Variants in TMBIM4 observed in about 807,000 individuals in gnomAD.
TMBIM4 encodes protein lifeguard 4.
Under a neutral mutation model 27.7 loss-of-function variants are expected in TMBIM4, and 28 were observed. The ratio of observed to expected loss-of-function variants is 1.01; its 90% CI spans 0.75 to 1.38. TMBIM4 has a LOEUF of 1.38. TMBIM4 is among the 40% of genes most tolerant of loss of function. The pLI, the probability that TMBIM4 is intolerant of heterozygous loss-of-function variation, is 0.00. For missense variants in TMBIM4, 265 were observed against 277.5 expected, an observed-to-expected ratio of 0.95 and a Z score of 0.32; for synonymous variants, 115 against 113.1, an observed-to-expected ratio of 1.02 and a Z score of -0.11.
At chr12:66,141,796 T>G (rs1334218503) in intron 5 of TMBIM4, among the ~76,000 whole-genome samples, 1 of 152,134 alleles carries the variant, frequency 6.6e-6, no homozygotes, top group Non-Finnish European at 1.5e-5. Context: ...CAATCCTAAA[T>G]GTTTCTGCAT....
chr12:66,152,416 A>C (rs762610513), intron 2 of TMBIM4, 40 bp from the exon 3 acceptor site: 13 of 1,359,766 alleles, frequency 9.6e-6, no homozygotes, highest in Non-Finnish European at 1.2e-5. Flanking sequence ...TTAAAGAAAA[A>C]ATAGCATGAG....
chr12:66,169,960 C>G lies in TMBIM4; in HGVS notation c.-9G>C. On this transcript the variant is annotated 5_prime_UTR_variant, in exon 1 of 7. Transcript: ENST00000358230. ...GGGTCGGGGTCAGCCATGATGGCAACAGCACCCCTACCGGTCCCGGTCCAC... is the reference window on the plus strand; with the variant it reads ...GGGTCGGGGTCAGCCATGATGGCAAGAGCACCCCTACCGGTCCCGGTCCAC... The G allele has an allele frequency of 6.7e-7, 1 of 1,485,538 alleles. No homozygotes were observed. Among genetic ancestry groups the G allele is most frequent in the Non-Finnish European group, 8.9e-7 (1 of 1,118,666 alleles). 92.0% of individuals were successfully genotyped at this position (1,485,538 alleles called of 1,614,324 possible).
Position 66,137,030 on chromosome 12 carries a change from T to C in TMBIM4, c.*930A>G, listed in dbSNP as rs2051588305. On this transcript the variant is annotated 3_prime_UTR_variant, in exon 7 of 7. Transcript: ENST00000358230. ...CTCTAACCACATTACCATTCTATAA[T>C]TTCAAATGAAATCTATACTTTAAAA... 1 of 152,222 alleles carries C rather than the reference T, an allele frequency of 6.6e-6. No homozygotes were observed. The highest frequency in any genetic ancestry group is 2.1e-4 in the South Asian group (1 of 4,832). 9.4% of individuals were successfully genotyped at this position (152,222 alleles called of 1,614,324 possible). A position where few individuals can be genotyped will look rare whatever the true frequency, so the allele number is the denominator to read the frequency against.
At chr12:66,147,696 T>C (rs1004260396) in intron 4 of TMBIM4, among the ~76,000 whole-genome samples, 14 of 152,220 alleles carry the variant, frequency 9.2e-5, no homozygotes, top group African/African-American at 3.1e-4. Context: ...CCATTCCTTT[T>C]ATTTTTCTTT....
chr12:66,160,308 G>C (rs1422284323), intron 1 of TMBIM4: 1 of 680,002 alleles, frequency 1.5e-6, no homozygotes, highest in Non-Finnish European at 2.7e-6. Flanking sequence ...CTGGAGAACT[G>C]ATTAAATCAA....
At chr12:66,159,875 C>T (rs1256497784) in intron 1 of TMBIM4, among the ~76,000 whole-genome samples, 1 of 152,236 alleles carries the variant, frequency 6.6e-6, no homozygotes, top group Admixed American at 6.5e-5. Flanking sequence ...TCCCTAACAT[C>T]TAAGACACAG....
chr12:66,143,062 T>C (rs1350473826), intron 5 of TMBIM4, among the ~76,000 whole-genome samples: 1 of 152,154 alleles, frequency 6.6e-6, no homozygotes, highest in Non-Finnish European at 1.5e-5. Flanking sequence ...ACAGGCTCCA[T>C]TTGGTAAGTT....
chr12:66,164,128 T>C (rs2052087202), intron 1 of TMBIM4, among the ~76,000 whole-genome samples: 1 of 152,138 alleles, frequency 6.6e-6, no homozygotes, highest in Admixed American at 6.5e-5. Flanking sequence ...TTCCACAACC[T>C]TCATGATAAA....
At chr12:66,158,136 G>A (rs1052700776) in intron 1 of TMBIM4, among the ~76,000 whole-genome samples, 13 of 149,232 alleles carry the variant, frequency 8.7e-5, no homozygotes, top group Non-Finnish European at 1.6e-4. Context: ...TGAGGCAGGA[G>A]AATGGCATGA....
chr12:66,144,727 A>G (rs2051723495), intron 5 of TMBIM4: 1 of 152,210 alleles, frequency 6.6e-6, no homozygotes. Context: ...GGACAATTAC[A>G]TAGTCAAAAA....
At position 66,169,930 on chromosome 12, in the gene TMBIM4, A is replaced by T; in HGVS notation, c.22T>A (p.Tyr8Asn). Residue 8 changes from tyrosine (Y) to asparagine (N), a missense_variant, in exon 1 of 7, where the codon TAC becomes AAC. By Grantham distance (143) the Tyr-to-Asn change is moderately radical (BLOSUM62 -2). Coordinates refer to ENST00000358230, the MANE Select transcript of TMBIM4 (RefSeq NM_016056.4). The part of the protein sequence containing the change: MADPDPR[Y>N]PRSSIEDDFN... ...TCGTCCTCGATCGAGGAGCGAGGGT[A>T]CCGGGGGTCGGGGTCAGCCATGATG... 1.3e-6 allele frequency: 2 copies of T among 1,495,240 alleles called. No homozygotes were observed. Among genetic ancestry groups the T allele is most frequent in the Non-Finnish European group, 1.8e-6 (2 of 1,124,240 alleles). 92.6% of individuals were successfully genotyped at this position (1,495,240 alleles called of 1,614,324 possible).
intron 1 of TMBIM4, among the ~76,000 whole-genome samples, chr12:66,167,360 G>A (rs1329176382): frequency 6.6e-6 from 1 of 152,174 alleles, no homozygotes; most frequent in African/African-American, 2.4e-5. Context: ...AAAGCAGAAA[G>A]GGTATATAAG....
intron 1 of TMBIM4, 62 bp downstream of exon 1, chr12:66,169,793 G>C: frequency 7.6e-7 from 1 of 1,321,054 alleles, no homozygotes; most frequent in South Asian, 1.5e-5. Context: ...CCGGAAGTCG[G>C]CTTCTAGAGG....
chr12:66,169,968 C>T lies in TMBIM4; in HGVS notation c.-17G>A, dbSNP rs1345255208. The T allele has an allele frequency of 6.8e-7, 1 of 1,474,920 alleles. No homozygotes were observed. The highest frequency in any genetic ancestry group is 9.0e-7 in the Non-Finnish European group (1 of 1,112,924). 91.4% of individuals were successfully genotyped at this position (1,474,920 alleles called of 1,614,324 possible). A position where few individuals can be genotyped will look rare whatever the true frequency, so the allele number is the denominator to read the frequency against. ...GTCAGCCATGATGGCAACAGCACCC[C>T]TACCGGTCCCGGTCCACTAACCGCA... On this transcript the variant is annotated 5_prime_UTR_variant, in exon 1 of 7. Transcript: ENST00000358230.
At chr12:66,168,411 G>C (rs2052171001) in intron 1 of TMBIM4, among the ~76,000 whole-genome samples, 1 of 152,082 alleles carries the variant, frequency 6.6e-6, no homozygotes, top group Non-Finnish European at 1.5e-5. Context: ...GAGTTAATAG[G>C]TATAGAGTTT....
chr12:66,139,550 G>C (rs2051632914), intron 5 of TMBIM4: 2 of 451,980 alleles, frequency 4.4e-6, no homozygotes, highest in Non-Finnish European at 8.9e-6. Context: ...TTCCAGGCCA[G>C]CGTGTAGGGA....
At chr12:66,162,870 G>A (rs543752813) in intron 1 of TMBIM4, among the ~76,000 whole-genome samples, 33 of 152,232 alleles carry the variant, frequency 2.2e-4, no homozygotes, top group Non-Finnish European at 4.3e-4. Flanking sequence ...CAAACTTGGC[G>A]CTTTAGAATT....
In TMBIM4 at chr12:66,145,823, A is replaced by C. The variant is rs753620715; in HGVS notation, c.464+18T>G. ...TAAAGACATCTATCTATTATATCCA[A>C]GAATATATACAACTTACCCTGCTCC... On this transcript the variant is annotated intron_variant, in intron 5 of 6. Transcript: ENST00000358230. 2.9e-6 allele frequency: 4 copies of C among 1,371,846 alleles called. No individual in the cohort carries two copies. Among genetic ancestry groups the C allele is most frequent in the Non-Finnish European group, 4.1e-6 (4 of 973,204 alleles). 85.0% of individuals were successfully genotyped at this position (1,371,846 alleles called of 1,614,324 possible).
Position 66,153,248 on chromosome 12 carries a change from A to C in TMBIM4, c.206+92T>G, listed in dbSNP as rs952530618. 3.8e-6 allele frequency: 3 copies of C among 779,382 alleles called. No individual in the cohort carries two copies. The African/African-American group carries it at 5.4e-5, about 14-fold the overall frequency. The allele number at this position is 779,382 out of a possible 1,614,324, so 48.3% of individuals were successfully genotyped here. On this transcript the variant is annotated intron_variant, in intron 2 of 6. Coordinates refer to ENST00000358230, the MANE Select transcript of TMBIM4 (RefSeq NM_016056.4). ...ACCTTTTTTACATTTTAACCTCAAAAGTTAATAGAAAAAAGTGGATTTTGT... is the reference window on the plus strand; with the variant it reads ...ACCTTTTTTACATTTTAACCTCAAACGTTAATAGAAAAAAGTGGATTTTGT...
Sources: gnomAD v4.1 joint callset for allele counts (sites outside exome capture counted in the v4.1 genomes callset) on GRCh38, gnomAD v4.1.1 for gene constraint, MANE v1.5 for transcripts, NCBI Gene and HGNC (gene_info 2026-07-23, HGNC 2026-07-21) for gene names.